The following PAX9 variants were observed in gnomAD, a reference collection of about 807,000 sequenced individuals.
The protein encoded by PAX9 is paired box protein Pax-9.
PAX9 carries 6 observed loss-of-function variants against 29.1 expected under a neutral mutation model. That is an observed-to-expected ratio of 0.21 (90% CI 0.11 to 0.41). The LOEUF (loss-of-function observed/expected upper bound fraction) is 0.41, where lower values mean the gene tolerates loss of function less well. Among genes scored for constraint, PAX9 ranks in the 10% least tolerant of loss-of-function variants. The pLI is 1.00. For synonymous variants in PAX9, 217 were observed against 211.7 expected, an observed-to-expected ratio of 1.03 and a Z score of -0.22; for missense variants, 443 against 479.1, an observed-to-expected ratio of 0.92 and a Z score of 0.70.
chr14:36,663,480 C>G lies in PAX9; in HGVS notation c.588C>G (p.His196Gln). The stretch of plus-strand genomic sequence containing the variant: ...TGCCGCGCACCTGGCCCTCCTCGCA[C>G]TCCGTCACCGACATCCTGGGCATCC... ...VAMPRTWPSS[H>Q]SVTDILGIRS... The change falls in exon 2 of 4, where the codon CAC (histidine) becomes CAG (glutamine). Residue 196 changes from histidine (H) to glutamine (Q), a missense_variant. By Grantham distance (24) the His-to-Gln change is conservative. Coordinates refer to ENST00000361487, the MANE Select transcript of PAX9 (RefSeq NM_001372076.1). 2 of 1,613,026 alleles carry G rather than the reference C, an allele frequency of 1.2e-6. No individual in the cohort carries two copies. The highest frequency in any genetic ancestry group is 1.1e-5 in the South Asian group (1 of 91,080).
At position 36,663,530 on chromosome 14, in the gene PAX9, G is replaced by T. The variant is rs1209083394; in HGVS notation, c.631+7G>T. On this transcript the variant is annotated splice_region_variant and intron_variant, in intron 2 of 3. Coordinates refer to ENST00000361487, the MANE Select transcript of PAX9 (RefSeq NM_001372076.1). Reference sequence around the variant, plus strand: ...CGCTCCATCACCGACCAAGGTAGGGGCTCAGAGGCTGGGCGTGTGGATGTG... The same window carrying T: ...CGCTCCATCACCGACCAAGGTAGGGTCTCAGAGGCTGGGCGTGTGGATGTG... 6.2e-7 allele frequency: 1 copy of T among 1,612,578 alleles called. No homozygotes were observed. Among genetic ancestry groups the T allele is most frequent in the African/African-American group, 1.3e-5 (1 of 74,936 alleles).
At position 36,678,577 on chromosome 14, in the gene PAX9, C is replaced by CT; in HGVS notation, c.*2126dup. On this transcript the variant is annotated 3_prime_UTR_variant, in exon 4 of 4. Coordinates refer to ENST00000361487, the MANE Select transcript of PAX9 (RefSeq NM_001372076.1). ...TTTAAAACCATACCATACAGGGACT[C>CT]TCCTGTCATCTGAAAAACTGATGTA... 1 of 1,517,706 alleles carries CT rather than the reference C, an allele frequency of 6.6e-7. No homozygotes were observed. The highest frequency in any genetic ancestry group is 8.8e-7 in the Non-Finnish European group (1 of 1,137,712). 94.0% of individuals were successfully genotyped at this position (1,517,706 alleles called of 1,614,324 possible). A position where few individuals can be genotyped will look rare whatever the true frequency, so the allele number is the denominator to read the frequency against.
chr14:36,674,143 C>T (rs1012761924), intron 3 of PAX9, among the ~76,000 whole-genome samples: 5 of 152,178 alleles, frequency 3.3e-5, no homozygotes, highest in African/African-American at 1.2e-4. Flanking sequence ...TACCCATCTC[C>T]TGAGAGCCTT....
At chr14:36,658,043 G>A (rs1462641976), upstream of PAX9, 1 of 152,158 alleles carries the variant, frequency 6.6e-6, no homozygotes, top group Non-Finnish European at 1.5e-5. Context: ...GGTCCAGGGC[G>A]GACCCTCCCT....
chr14:36,662,132 GAGGGAGGGAGCGAGCGGGCA>G (rs1222791013), intron 1 of PAX9, 39 bp downstream of exon 1: 1 of 1,484,388 alleles, frequency 6.7e-7, no homozygotes, highest in African/African-American at 1.4e-5. Flanking sequence ...GCCGGGAAGG[GAGGGAGGGAGCGAGCGGGCA>G]AGGGAGGGAG....
chr14:36,676,471 GCAGC>G lies in PAX9; in HGVS notation c.*20_*23del. On this transcript the variant is annotated 3_prime_UTR_variant, in exon 4 of 4. Transcript: ENST00000361487. ...GCTCTGATGGGAAATTCCGTCTCCAGCAGCTTCACCCGGGTCTCCCTGTCTCAGC... is the reference window on the plus strand; with the variant it reads ...GCTCTGATGGGAAATTCCGTCTCCAGTTCACCCGGGTCTCCCTGTCTCAGC... 6.2e-7 allele frequency: 1 copy of G among 1,609,868 alleles called. No homozygotes were observed. Among genetic ancestry groups the G allele is most frequent in the South Asian group, 1.1e-5 (1 of 91,058 alleles).
chr14:36,675,059 T>A (rs1881833609), intron 3 of PAX9, among the ~76,000 whole-genome samples: 1 of 152,216 alleles, frequency 6.6e-6, no homozygotes, highest in Admixed American at 6.5e-5. Flanking sequence ...CTAACATACA[T>A]CTGATTAACT....
In PAX9 at chr14:36,677,757, A is replaced by C. The variant is rs1303112954; in HGVS notation, c.*1305A>C. On this transcript the variant is annotated 3_prime_UTR_variant, in exon 4 of 4. Coordinates refer to ENST00000361487, the MANE Select transcript of PAX9 (RefSeq NM_001372076.1). ...AAATACAATGTTATTTAATTTTAAC[A>C]AATTCCCTTTATTCATTTCTGAAAT... is the stretch of plus-strand genomic sequence containing the variant. 2 of 152,264 alleles carry C rather than the reference A, an allele frequency of 1.3e-5. No homozygotes were observed. The highest frequency in any genetic ancestry group is 3.8e-4 in the East Asian group (2 of 5,204). The allele number at this position is 152,264 out of a possible 1,614,324, so 9.4% of individuals were successfully genotyped here. A position where few individuals can be genotyped will look rare whatever the true frequency, so the allele number is the denominator to read the frequency against.
upstream of PAX9, chr14:36,658,894 C>G (rs1364689064): frequency 6.6e-6 from 1 of 152,348 alleles, no homozygotes; most frequent in Non-Finnish European, 1.5e-5. Context: ...CCCCAGAGTC[C>G]CCGGCCCCTG....
chr14:36,670,870 C>G (rs1172132923), intron 3 of PAX9, among the ~76,000 whole-genome samples: 1 of 151,964 alleles, frequency 6.6e-6, no homozygotes, highest in Non-Finnish European at 1.5e-5. Context: ...ACATTTACAT[C>G]TACAATATGA....
chr14:36,678,202 A>AAAC lies in PAX9; in HGVS notation c.*1751_*1753dup. 2.1e-6 allele frequency: 1 copy of AAAC among 482,668 alleles called. No homozygotes were observed. The highest frequency in any genetic ancestry group is 3.3e-5 in the East Asian group (1 of 30,760). The allele number at this position is 482,668 out of a possible 1,614,324, so 29.9% of individuals were successfully genotyped here. On this transcript the variant is annotated 3_prime_UTR_variant, in exon 4 of 4. Transcript: ENST00000361487. ...CACATCGGTTTCGTGGCTTCGTTTA[A>AAAC]AACTCAGATGGCTAGATTAGTTAGG...
At chr14:36,662,715 G>A (rs562679917) in intron 1 of PAX9, 182 bp from the exon 2 acceptor site, 44 of 700,702 alleles carry the variant, frequency 6.3e-5, no homozygotes, top group Non-Finnish European at 1.0e-4. Context: ...GGTCCGATTG[G>A]ACAGTGACGG....
In PAX9 at chr14:36,678,976, A is replaced by G. The variant is rs1882048352; in HGVS notation, c.*2524A>G. On this transcript the variant is annotated 3_prime_UTR_variant, in exon 4 of 4. Transcript: ENST00000361487. ...AAGATTATTATTGGTTAATGTTGAC[A>G]TATTTCCTCTATCTCATAGATGGTA... 1 of 982,192 alleles carries G rather than the reference A, an allele frequency of 1.0e-6. No individual in the cohort carries two copies. Among genetic ancestry groups the G allele is most frequent in the Non-Finnish European group, 1.2e-6 (1 of 827,716 alleles). The allele number at this position is 982,192 out of a possible 1,614,324, so 60.8% of individuals were successfully genotyped here.
Position 36,663,338 on chromosome 14 carries a change from C to T in PAX9, c.446C>T (p.Thr149Met), listed in dbSNP as rs1215426320. The T allele has an allele frequency of 1.9e-6, 3 of 1,614,146 alleles. No individual in the cohort carries two copies. The highest frequency in any genetic ancestry group is 1.7e-5 in the Admixed American group (1 of 60,034). The change falls in exon 2 of 4, where the codon ACG (threonine) becomes ATG (methionine). Residue 149 changes from threonine to methionine, a missense_variant. This residue lies in a region of PAX9 where 336 missense variants were observed against 317.2 expected (regional missense o/e 1.06). Coordinates refer to ENST00000361487, the MANE Select transcript of PAX9 (RefSeq NM_001372076.1). ...HYDSYKQHQP[T>M]PQPALPYNHI... The stretch of plus-strand genomic sequence containing the variant: ...GACTCATACAAGCAGCACCAGCCGA[C>T]GCCGCAGCCAGCGCTGCCCTACAAC...
In PAX9 at chr14:36,679,121, T is replaced by TAAGA. The variant is rs755152754; in HGVS notation, c.*2671_*2674dup. On this transcript the variant is annotated 3_prime_UTR_variant, in exon 4 of 4. Transcript: ENST00000361487. ...ATGCAGGCAGCGCTCTCATTGGATGTAAGAATATTACCTGCAAGGATAGAA... is the reference window on the plus strand; with the variant it reads ...ATGCAGGCAGCGCTCTCATTGGATGTAAGAAAGAATATTACCTGCAAGGATAGAA... 6.1e-6 allele frequency: 6 copies of TAAGA among 985,442 alleles called. No homozygotes were observed. In the South Asian group the frequency reaches 1.9e-4, roughly 31 times the overall value. The allele number at this position is 985,442 out of a possible 1,614,324, so 61.0% of individuals were successfully genotyped here. A position where few individuals can be genotyped will look rare whatever the true frequency, so the allele number is the denominator to read the frequency against.
chr14:36,662,873 G>A, intron 1 of PAX9, 24 bp from the exon 2 acceptor site: 6 of 1,601,302 alleles, frequency 3.7e-6, no homozygotes, highest in Non-Finnish European at 5.1e-6. Context: ...GCGCGTCCCT[G>A]CGCGCTGTGT....
chr14:36,661,853 C>T, upstream of PAX9: 1 of 609,458 alleles, frequency 1.6e-6, no homozygotes, highest in Non-Finnish European at 2.9e-6. Flanking sequence ...GCCGCCCTGC[C>T]CTGCTCAGCC....
intron 3 of PAX9, among the ~76,000 whole-genome samples, chr14:36,675,700 C>T (rs1014409506): frequency 6.6e-6 from 1 of 152,112 alleles, no homozygotes; most frequent in Non-Finnish European, 1.5e-5. Context: ...TAACGAAGGT[C>T]GTGTTTGTTG....
At chr14:36,663,625 A>T in intron 2 of PAX9, 102 bp downstream of exon 2, 3 of 1,449,640 alleles carry the variant, frequency 2.1e-6, no homozygotes, top group Non-Finnish European at 2.8e-6. Context: ...CTTTCCCACC[A>T]CCTGAGGCTT....
Sources: gnomAD v4.1 joint callset for allele counts (sites outside exome capture counted in the v4.1 genomes callset) on GRCh38, gnomAD v4.1.1 for gene constraint, gnomAD v4.1.1 regional missense constraint, MANE v1.5 for transcripts, NCBI Gene and HGNC (gene_info 2026-07-23, HGNC 2026-07-21) for gene names.